SLC44A5: variants seen among roughly 807,000 people sequenced by gnomAD.
The protein encoded by SLC44A5 is solute carrier family 44 member 5, also known as choline transporter-like protein 5.
SLC44A5 carries 57 observed loss-of-function variants against 101.8 expected under a neutral mutation model. The ratio of observed to expected loss-of-function variants is 0.56; its 90% CI spans 0.45 to 0.70. The LOEUF (loss-of-function observed/expected upper bound fraction) is 0.70. Ranked by LOEUF, SLC44A5 falls within the 30% of genes least tolerant of loss-of-function variation. The probability of loss-of-function intolerance (pLI) is 0.00; values close to 1 mark genes in which losing one functional copy is unlikely to be tolerated. For synonymous variants in SLC44A5, 281 were observed against 290.9 expected (o/e 0.97, Z 0.35); for missense variants, 737 against 853.1 (o/e 0.86, Z 1.70).
chr1:75,372,814 A>G (rs74456532), intron 3 of SLC44A5, among the ~76,000 whole-genome samples: 2,024 of 152,344 alleles, frequency 0.013, 53 homozygotes, highest in African/African-American at 0.046. Flanking sequence ...ATATTTAATG[A>G]AATAGCTTTG....
At chr1:75,222,695 C>A (rs1368477576) in intron 13 of SLC44A5, among the ~76,000 whole-genome samples, 6 of 152,188 alleles carry the variant, frequency 3.9e-5, no homozygotes, top group African/African-American at 1.4e-4. Flanking sequence ...GGAAAGGGTT[C>A]ATCTCATCCA....
chr1:75,451,858 A>G (rs1227158220), intron 2 of SLC44A5, among the ~76,000 whole-genome samples: 1 of 152,228 alleles, frequency 6.6e-6, no homozygotes, highest in Admixed American at 6.5e-5. Context: ...GGGATTATTT[A>G]AAGCAACCAA....
chr1:75,536,702 T>G (rs1671035077), intron 2 of SLC44A5, among the ~76,000 whole-genome samples: 1 of 149,260 alleles, frequency 6.7e-6, no homozygotes, highest in African/African-American at 2.4e-5. Flanking sequence ...CCATTTTCTT[T>G]TTACTAGCAA....
chr1:75,548,276 G>A lies in SLC44A5; in HGVS notation c.-69-6760C>T, dbSNP rs11163646. ...TTCAACTAGTTCAATTCTGTGTTCA[G>A]ACAAGAATCAAAATAAAATCCTCAG... On this transcript the variant is annotated intron_variant, in intron 1 of 23. Transcript: ENST00000370859. Among the ~76,000 whole-genome samples the A allele has an allele frequency of 5.9e-4, 90 of 152,084 alleles. 1 individual carries two copies. Among genetic ancestry groups the A allele is most frequent in the Middle Eastern group, 3.4e-3 (1 of 292 alleles).
intron 5 of SLC44A5, among the ~76,000 whole-genome samples, chr1:75,296,450 C>T (rs1653971195): frequency 6.6e-6 from 1 of 151,410 alleles, no homozygotes; most frequent in Non-Finnish European, 1.5e-5. Flanking sequence ...CCAATTACCT[C>T]ATCAGGCTCT....
At chr1:75,703,713 G>A in the SLC44A5 span, among the ~76,000 whole-genome samples, 1 of 151,974 alleles carries the variant, frequency 6.6e-6, no homozygotes, top group Admixed American at 6.6e-5. Context: ...GTGTCAGAAG[G>A]CATACAGCAC....
chr1:75,339,617 T>C lies in SLC44A5; in HGVS notation c.66A>G (p.Thr22=). ...CAGGCCCCTTGAAATCTGGGTCATA[T>C]GTCCTTGGATCACCTGCATTTAAAA... ...SEEEDFGDPR[T]YDPDFKGPVA... is the part of the protein sequence containing the mutation. The change falls in exon 4 of 24, where the codon ACA becomes ACG. Residue 22 remains threonine (T), a synonymous_variant. Transcript: ENST00000370859. 1 of 1,609,282 alleles carries C rather than the reference T, an allele frequency of 6.2e-7. No homozygotes were observed. Among genetic ancestry groups the C allele is most frequent in the South Asian group, 1.1e-5 (1 of 89,962 alleles).
chr1:75,638,147 C>T, the SLC44A5 span, among the ~76,000 whole-genome samples: 3 of 151,756 alleles, frequency 2.0e-5, no homozygotes, highest in Middle Eastern at 3.2e-3. Flanking sequence ...AAATATGATA[C>T]AAAATAAAAA....
chr1:75,286,569 G>A (rs981311691), intron 5 of SLC44A5, among the ~76,000 whole-genome samples: 2 of 152,162 alleles, frequency 1.3e-5, no homozygotes, highest in Non-Finnish European at 2.9e-5. Context: ...TTATAGGTCC[G>A]TTGAGATTTA....
At chr1:75,691,798 G>A in the SLC44A5 span, among the ~76,000 whole-genome samples, 1 of 152,196 alleles carries the variant, frequency 6.6e-6, no homozygotes, top group Non-Finnish European at 1.5e-5. Context: ...ATGGCAGAGA[G>A]AGAAAGATCT....
intron 1 of SLC44A5, among the ~76,000 whole-genome samples, chr1:75,608,160 T>C (rs923935108): frequency 3.3e-5 from 5 of 151,790 alleles, no homozygotes; most frequent in Non-Finnish European, 5.9e-5. Flanking sequence ...ATCCATGTTG[T>C]TGTAAGTCAA....
chr1:75,380,356 G>A (rs1307898045), intron 3 of SLC44A5, among the ~76,000 whole-genome samples: 1 of 85,138 alleles, frequency 1.2e-5, no homozygotes, highest in Non-Finnish European at 2.1e-5. Flanking sequence ...TAGTGTGGTT[G>A]ATTCAGACTA....
chr1:75,680,025 A>G, the SLC44A5 span, among the ~76,000 whole-genome samples: 21 of 152,356 alleles, frequency 1.4e-4, 1 homozygote, highest in South Asian at 4.3e-3. Context: ...AGGCCATTAC[A>G]TAATGGTAAA....
the SLC44A5 span, among the ~76,000 whole-genome samples, chr1:75,651,558 G>C: frequency 6.6e-6 from 1 of 151,866 alleles, no homozygotes; most frequent in Non-Finnish European, 1.5e-5. Flanking sequence ...TTAGCTGGGC[G>C]TGGTGGTGGG....
chr1:75,679,104 G>A, the SLC44A5 span, among the ~76,000 whole-genome samples: 3 of 152,044 alleles, frequency 2.0e-5, no homozygotes, highest in East Asian at 5.8e-4. Context: ...AAGAAATATG[G>A]GACTATGTGA....
intron 2 of SLC44A5, among the ~76,000 whole-genome samples, chr1:75,430,851 C>G (rs1664575895): frequency 6.6e-6 from 1 of 152,214 alleles, no homozygotes; most frequent in Admixed American, 6.5e-5. Context: ...GAGCTCAGGC[C>G]TCTGGGCTCC....
rs1662148720 is a variant in SLC44A5, at chr1:75,396,712, T to TA, written c.14-92dup. On this transcript the variant is annotated intron_variant, in intron 2 of 23. Transcript: ENST00000370859. ...CATCTCTCCTTATCCTAAAAAATCT[T>TA]AGTCTTTAGACTAACACACAAAATA... The TA allele has an allele frequency of 1.5e-5, 15 of 1,011,660 alleles. No homozygotes were observed. In the East Asian group the frequency reaches 3.6e-4, roughly 24 times the overall value. The allele number at this position is 1,011,660 out of a possible 1,614,324, so 62.7% of individuals were successfully genotyped here. A position where few individuals can be genotyped will look rare whatever the true frequency, so the allele number is the denominator to read the frequency against.
intron 1 of SLC44A5, among the ~76,000 whole-genome samples, chr1:75,580,388 A>C (rs972023284): frequency 2.6e-5 from 4 of 152,158 alleles, no homozygotes; most frequent in Non-Finnish European, 5.9e-5. Context: ...AGGTGCAAAT[A>C]TTTGTGCTGT....
At chr1:75,556,923 C>T (rs1672249959) in intron 1 of SLC44A5, among the ~76,000 whole-genome samples, 2 of 152,004 alleles carry the variant, frequency 1.3e-5, no homozygotes, top group African/African-American at 4.8e-5. Context: ...GACTTCACCA[C>T]TACACAATAT....
Sources: gnomAD v4.1 joint callset for allele counts (sites outside exome capture counted in the v4.1 genomes callset) on GRCh38, gnomAD v4.1.1 for gene constraint, MANE v1.5 for transcripts, NCBI Gene and HGNC (gene_info 2026-07-23, HGNC 2026-07-21) for gene names.